Variants in CSMD2 observed in about 807,000 individuals in gnomAD.
The protein encoded by CSMD2 is CUB and Sushi multiple domains 2, also known as CUB and sushi domain-containing protein 2.
Under a neutral mutation model 398.5 loss-of-function variants are expected in CSMD2, and 130 were observed. The ratio of observed to expected loss-of-function variants is 0.33; its 90% confidence interval spans 0.28 to 0.38. The LOEUF (loss-of-function observed/expected upper bound fraction) is 0.38, where lower values mean the gene tolerates loss of function less well. CSMD2 is among the 10% of genes least tolerant of loss of function. The pLI, the probability that CSMD2 is intolerant of heterozygous loss-of-function variation, is 1.00. For missense variants in CSMD2, 3,829 were observed against 4,764.9 expected (o/e 0.80, Z 5.78); for synonymous variants, 1,828 against 1,908.5 (o/e 0.96, Z 1.10).
At chr1:33,657,904 G>A in intron 27 of CSMD2, 42 bp downstream of exon 27, 1 of 1,568,086 alleles carries the variant, frequency 6.4e-7, no homozygotes, top group Non-Finnish European at 8.7e-7. Context: ...GCACACAACT[G>A]TGAGCCCCAA....
rs1422940907 is a variant in CSMD2, at chr1:33,989,269, A to G, written c.517+43325T>C. Among the ~76,000 whole-genome samples, 3 of 151,914 alleles carry G rather than the reference A, an allele frequency of 2.0e-5. No homozygotes were observed. In the East Asian group the frequency reaches 5.8e-4, roughly 29 times the overall value. On this transcript the variant is annotated intron_variant, in intron 3 of 70. Coordinates refer to ENST00000373381, the MANE Select transcript of CSMD2 (RefSeq NM_001281956.2). Reference sequence around the variant, plus strand: ...CCTCATTAGCCATCAGGGAAATGAAAATTAAAACCACAATGAGATACCACC... The same window carrying G: ...CCTCATTAGCCATCAGGGAAATGAAGATTAAAACCACAATGAGATACCACC...
intron 5 of CSMD2, among the ~76,000 whole-genome samples, chr1:33,899,288 A>T (rs1386871439): frequency 6.6e-6 from 1 of 152,232 alleles, no homozygotes; most frequent in African/African-American, 2.4e-5. Flanking sequence ...CCAAGGCCCA[A>T]AAGCAGCCCC....
chr1:33,607,044 C>T (rs1477352151), intron 41 of CSMD2, among the ~76,000 whole-genome samples: 2 of 152,128 alleles, frequency 1.3e-5, no homozygotes, highest in African/African-American at 4.8e-5. Flanking sequence ...AAACAAAGTG[C>T]CATAATCAGG....
chr1:33,849,990 C>A (rs558080904), intron 5 of CSMD2, among the ~76,000 whole-genome samples: 5 of 152,090 alleles, frequency 3.3e-5, no homozygotes, highest in African/African-American at 9.7e-5. Flanking sequence ...CCTGCCTCCT[C>A]CTCTTTACCC....
intron 29 of CSMD2, among the ~76,000 whole-genome samples, chr1:33,637,409 T>C (rs1178443569): frequency 2.6e-5 from 4 of 152,178 alleles, no homozygotes. Flanking sequence ...AGTCCTCTAC[T>C]CTGTCGCTCT....
chr1:33,624,402 T>C lies in CSMD2; in HGVS notation c.5625+117A>G. ...GCAGGTACAGGGCTGATATGTCTCT[T>C]CCTGGCTCACCCTGACTCAGGCCTT... On this transcript the variant is annotated intron_variant, in intron 35 of 70. Coordinates refer to ENST00000373381, the MANE Select transcript of CSMD2 (RefSeq NM_001281956.2). The surrounding 1 kb of genome is among the most constrained non-coding windows in gnomAD (Gnocchi z 4.7). 7.4e-7 allele frequency: 1 copy of C among 1,350,144 alleles called. No homozygotes were observed. The highest frequency in any genetic ancestry group is 2.3e-5 in the East Asian group (1 of 43,114). The allele number at this position is 1,350,144 out of a possible 1,614,324, so 83.6% of individuals were successfully genotyped here.
rs1208223506 is a variant in CSMD2 at position 33,637,331 on chromosome 1, G to C, written c.4775-777C>G. On this transcript the variant is annotated intron_variant, in intron 29 of 70. Coordinates refer to ENST00000373381, the MANE Select transcript of CSMD2 (RefSeq NM_001281956.2). The stretch of plus-strand genomic sequence containing the variant: ...TGCTTGCCAGTTTATGAAAACCACA[G>C]TATTTTTTTCATGTGGCTATTGACC... 2.0e-5 allele frequency among the ~76,000 whole-genome samples: 3 copies of C among 152,188 alleles called. 1 individual carries two copies. Among genetic ancestry groups the C allele is most frequent in the African/African-American group, 7.2e-5 (3 of 41,442 alleles).
intron 3 of CSMD2, among the ~76,000 whole-genome samples, chr1:33,967,302 T>G (rs1306375773): frequency 2.6e-5 from 4 of 152,018 alleles, no homozygotes; most frequent in Non-Finnish European, 4.4e-5. Context: ...ATAAAGATAT[T>G]TGAGGATCTG....
chr1:33,792,506 C>T lies in CSMD2; in HGVS notation c.1467G>A (p.Glu489=), dbSNP rs1485155202. The change falls in exon 11 of 71, where the codon GAG becomes GAA. Residue 489 remains glutamate, a synonymous_variant. Transcript: ENST00000373381. Reference sequence around the variant, plus strand: ...CATAGCCCCTCTCCAAATCAAACTCCTCAAAGGCGAGCTTGATCACCTAGG... The same window carrying T: ...CATAGCCCCTCTCCAAATCAAACTCTTCAAAGGCGAGCTTGATCACCTAGG... ...NPSKVIKLAF[E]EFDLERGYDT... The T allele has an allele frequency of 1.9e-6, 3 of 1,613,954 alleles. No individual in the cohort carries two copies. The highest frequency in any genetic ancestry group is 2.2e-5 in the East Asian group (1 of 44,864).
intron 1 of CSMD2, among the ~76,000 whole-genome samples, chr1:34,134,740 A>G (rs1638536094): frequency 6.6e-6 from 1 of 152,242 alleles, no homozygotes; most frequent in Admixed American, 6.5e-5. Context: ...AGAAAAATAG[A>G]AACAATGCCA....
At chr1:33,758,110 T>A (rs1366397391) in intron 13 of CSMD2, among the ~76,000 whole-genome samples, 1 of 152,142 alleles carries the variant, frequency 6.6e-6, no homozygotes, top group Admixed American at 6.5e-5. Flanking sequence ...CTTGCCAATC[T>A]TTTTTATTTT....
chr1:33,763,523 G>C (rs1247304134), intron 13 of CSMD2, among the ~76,000 whole-genome samples: 1 of 152,184 alleles, frequency 6.6e-6, no homozygotes, highest in African/African-American at 2.4e-5. Context: ...CTCCTATAAA[G>C]TACCTGACTG....
intron 28 of CSMD2, among the ~76,000 whole-genome samples, chr1:33,649,208 A>G (rs1184784543): frequency 5.3e-5 from 8 of 152,244 alleles, no homozygotes; most frequent in Non-Finnish European, 7.3e-5. Context: ...CTTGCAGAGA[A>G]TAGATTTCAG....
At position 33,835,984 on chromosome 1, in the gene CSMD2, C is replaced by A. The variant is rs182315825; in HGVS notation, c.1034-10210G>T. 5.6e-3 allele frequency among the ~76,000 whole-genome samples: 848 copies of A among 152,286 alleles called. 7 individuals are homozygous for A. The highest frequency in any genetic ancestry group is 0.038 in the South Asian group (182 of 4,824). On this transcript the variant is annotated intron_variant, in intron 6 of 70. Transcript: ENST00000373381. ...TTTTTCTGCTCTGTTTTTTCCCCAT[C>A]TTTGTGGTTTTATCTACCTTTGGTC... is the stretch of plus-strand genomic sequence containing the variant.
At chr1:33,644,621 C>T (rs1335470687) in intron 29 of CSMD2, among the ~76,000 whole-genome samples, 1 of 152,040 alleles carries the variant, frequency 6.6e-6, no homozygotes, top group Admixed American at 6.6e-5. Flanking sequence ...AAGGTTTATG[C>T]ACTTGGAGGA....
intron 5 of CSMD2, among the ~76,000 whole-genome samples, chr1:33,882,772 C>T (rs756787856): frequency 2.0e-5 from 3 of 152,154 alleles, no homozygotes; most frequent in Non-Finnish European, 2.9e-5. Flanking sequence ...TTTCTCAATC[C>T]TCATACCCTG....
At chr1:34,073,398 A>G (rs2148305049) in intron 2 of CSMD2, among the ~76,000 whole-genome samples, 1 of 152,342 alleles carries the variant, frequency 6.6e-6, no homozygotes, top group East Asian at 1.9e-4. Flanking sequence ...TCATCAGAAC[A>G]ATTTTTAAAG....
At chr1:33,955,917 G>T (rs868867379) in intron 3 of CSMD2, among the ~76,000 whole-genome samples, 40 of 152,054 alleles carry the variant, frequency 2.6e-4, no homozygotes, top group Admixed American at 2.6e-3. Flanking sequence ...TCCTATGGTG[G>T]CCACACCAGT....
chr1:33,788,514 A>AT (rs1462278964), intron 12 of CSMD2, 86 bp downstream of exon 12: 1 of 803,354 alleles, frequency 1.2e-6, no homozygotes, highest in Non-Finnish European at 2.0e-6. Context: ...TCTCAAAAAA[A>AT]AAAAAAAAAA....
Sources: gnomAD v4.1 joint callset for allele counts (sites outside exome capture counted in the v4.1 genomes callset) on GRCh38, gnomAD v4.1.1 for gene constraint, Gnocchi (gnomAD v3.1) non-coding constraint, MANE v1.5 for transcripts, NCBI Gene and HGNC (gene_info 2026-07-23, HGNC 2026-07-21) for gene names.